The following USP47 variants were observed in gnomAD, a reference collection of about 807,000 sequenced individuals.
USP47 encodes ubiquitin specific peptidase 47.
Under a neutral mutation model 165.1 loss-of-function variants are expected in USP47, and 35 were observed. The ratio of observed to expected loss-of-function variants is 0.21; its 90% CI spans 0.16 to 0.28. The LOEUF (loss-of-function observed/expected upper bound fraction) is 0.28. Among genes scored for constraint, USP47 ranks in the 10% least tolerant of loss-of-function variants. The probability of loss-of-function intolerance (pLI) is 1.00; values close to 1 mark genes in which losing one functional copy is unlikely to be tolerated. For synonymous variants in USP47, 531 were observed against 544.5 expected (o/e 0.98, Z 0.35); for missense variants, 1,277 against 1,607.4 (o/e 0.79, Z 3.52).
In USP47 at chr11:11,842,037, T is replaced by A. The variant is rs1473594927; in HGVS notation, c.-149T>A. On this transcript the variant is annotated 5_prime_UTR_variant, in exon 1 of 28. Transcript: ENST00000527733. ...CCCTGGGTCGGTGTCTGCGCGCTGG[T>A]GTCTGAGGCCCAGGCTGAGGCCTCC... The A allele has an allele frequency of 1.1e-6, 1 of 930,958 alleles. No homozygotes were observed. Among genetic ancestry groups the A allele is most frequent in the Non-Finnish European group, 1.6e-6 (1 of 638,060 alleles). 57.7% of individuals were successfully genotyped at this position (930,958 alleles called of 1,614,324 possible).
At chr11:11,902,628 C>G in intron 5 of USP47, 87 bp from the exon 6 acceptor site, 3 of 1,017,810 alleles carry the variant, frequency 2.9e-6, no homozygotes, top group Non-Finnish European at 2.6e-6. Context: ...GGATTAAAAT[C>G]TTACATTATT....
intron 1 of USP47, among the ~76,000 whole-genome samples, chr11:11,845,476 T>C (rs1465802995): frequency 6.6e-6 from 1 of 152,168 alleles, no homozygotes; most frequent in African/African-American, 2.4e-5. Flanking sequence ...CATTTGGCAA[T>C]TACTAGATGG....
intron 14 of USP47, among the ~76,000 whole-genome samples, chr11:11,931,212 A>C (rs1039801703): frequency 2.6e-5 from 4 of 152,164 alleles, no homozygotes; most frequent in African/African-American, 9.7e-5. Context: ...CTTTGATTTC[A>C]GTATATTTCC....
At chr11:11,942,043 A>C (rs189562498) in intron 19 of USP47, among the ~76,000 whole-genome samples, 41 of 152,264 alleles carry the variant, frequency 2.7e-4, no homozygotes, top group Non-Finnish European at 4.0e-4. Flanking sequence ...AAAGAGAAGG[A>C]TATATAATAC....
intron 19 of USP47, among the ~76,000 whole-genome samples, chr11:11,941,755 T>C (rs1855488970): frequency 6.6e-6 from 1 of 152,078 alleles, no homozygotes; most frequent in Non-Finnish European, 1.5e-5. Flanking sequence ...AAGAAATACC[T>C]TAATATCAGT....
At chr11:11,896,188 A>C (rs1386934498) in intron 4 of USP47, among the ~76,000 whole-genome samples, 1 of 152,228 alleles carries the variant, frequency 6.6e-6, no homozygotes, top group African/African-American at 2.4e-5. Flanking sequence ...TAAAATAAAG[A>C]GCTATGGCAA....
chr11:11,948,510 A>G lies in USP47; in HGVS notation c.3300A>G (p.Lys1100=). 6.2e-7 allele frequency: 1 copy of G among 1,613,178 alleles called. No homozygotes were observed. Among genetic ancestry groups the G allele is most frequent in the Non-Finnish European group, 8.5e-7 (1 of 1,179,312 alleles). The change falls in exon 22 of 28, where the codon AAA becomes AAG. Residue 1100 remains lysine (K), a synonymous_variant. Coordinates refer to ENST00000527733, the MANE Select transcript of USP47 (RefSeq NM_001282659.2). ...ITIRLGRALK[K]GEYRVKVYQL... is the part of the protein sequence containing the mutation. ...TTAGACTGGGGAGAGCACTTAAAAA[A>G]GGAGAATACAGAGTTAAAGTATACC...
intron 3 of USP47, among the ~76,000 whole-genome samples, chr11:11,888,921 C>T (rs1335251663): frequency 1.3e-5 from 2 of 152,162 alleles, no homozygotes; most frequent in Non-Finnish European, 2.9e-5. Context: ...AAATGCGATT[C>T]ATCCCATAAA....
intron 16 of USP47, among the ~76,000 whole-genome samples, chr11:11,934,347 A>G (rs1432658966): frequency 6.6e-6 from 1 of 152,150 alleles, no homozygotes; most frequent in Non-Finnish European, 1.5e-5. Flanking sequence ...GAAAGAACAG[A>G]CAAAACGTAC....
intron 24 of USP47, chr11:11,952,052 A>G (rs1856260826): frequency 6.6e-6 from 1 of 152,212 alleles, no homozygotes; most frequent in Non-Finnish European, 1.5e-5. Context: ...ATTAAATCCA[A>G]GAGGTATTTA....
chr11:11,891,168 T>A (rs1464388710), intron 3 of USP47, among the ~76,000 whole-genome samples: 1 of 152,176 alleles, frequency 6.6e-6, no homozygotes, highest in Non-Finnish European at 1.5e-5. Flanking sequence ...AATAATAATT[T>A]AAAAAATTAA....
rs750291434 is a variant in USP47, at chr11:11,892,005, G to C, written c.395G>C (p.Arg132Thr). The change falls in exon 4 of 28, where the codon AGG becomes ACG. Residue 132 changes from arginine (R) to threonine (T), a missense_variant. Around this residue, in one of 4 missense-constraint regions of USP47, gnomAD observed 181 missense variants for 194.7 expected, o/e 0.93. Transcript: ENST00000527733. ...SSAGEDSVHD[R>T]FIGPLPREGS... ...GCTGGGGAAGACAGTGTTCATGACA[G>C]GTTTATAGGTCCGCTTCCAAGAGAA... 5.0e-6 allele frequency: 8 copies of C among 1,613,760 alleles called. No individual in the cohort carries two copies.
intron 8 of USP47, among the ~76,000 whole-genome samples, chr11:11,919,567 A>G (rs530581810): frequency 1.3e-4 from 20 of 151,048 alleles, no homozygotes; most frequent in African/African-American, 4.9e-4. Flanking sequence ...TTAACAATCC[A>G]GGATCCTCAT....
chr11:11,942,481 A>G lies in USP47; in HGVS notation c.2460A>G (p.Thr820=). Residue 820 remains threonine (T), a synonymous_variant, in exon 20 of 28, where the codon ACA becomes ACG. Coordinates refer to ENST00000527733, the MANE Select transcript of USP47 (RefSeq NM_001282659.2). ...EQSPVSYSKR[T]AYQKAGGDSG... ...CCCCAGTATCTTATTCCAAAAGGAC[A>G]GCATACCAGAAAGCTGGAGGCGATT... 4 of 1,613,646 alleles carry G rather than the reference A, an allele frequency of 2.5e-6. No individual in the cohort carries two copies. Among genetic ancestry groups the G allele is most frequent in the Non-Finnish European group, 3.4e-6 (4 of 1,179,732 alleles).
At position 11,930,024 on chromosome 11, in the gene USP47, A is replaced by G. The variant is rs774354506; in HGVS notation, c.1519-20A>G. On this transcript the variant is annotated intron_variant, in intron 12 of 27. Transcript: ENST00000527733. ...TAGTGTTATAGAATTTGCAAAAAAA[A>G]TCATGTAACACATTTTCAGATAACA... 1.2e-6 allele frequency: 2 copies of G among 1,609,726 alleles called. No homozygotes were observed. The highest frequency in any genetic ancestry group is 1.7e-6 in the Non-Finnish European group (2 of 1,176,680).
Position 11,961,068 on chromosome 11 carries a change from T to C in USP47, c.*4893T>C, listed in dbSNP as rs1327452386. On this transcript the variant is annotated 3_prime_UTR_variant, in exon 28 of 28. Transcript: ENST00000527733. ...AACACCAGCTTTATCAATAATAATA[T>C]CGGTGGTTTACTTAAGGTGTCCAGA... Among the ~76,000 whole-genome samples the C allele has an allele frequency of 6.6e-6, 1 of 152,182 alleles. No individual in the cohort carries two copies. Among genetic ancestry groups the C allele is most frequent in the Non-Finnish European group, 1.5e-5 (1 of 68,036 alleles).
chr11:11,858,248 G>A (rs978240143), intron 1 of USP47, among the ~76,000 whole-genome samples: 5 of 151,498 alleles, frequency 3.3e-5, no homozygotes, highest in Admixed American at 3.3e-4. Flanking sequence ...ACCGGTAACG[G>A]TTAAATACTA....
intron 1 of USP47, among the ~76,000 whole-genome samples, chr11:11,854,075 C>T (rs1848883774): frequency 7.0e-6 from 1 of 142,264 alleles, no homozygotes; most frequent in East Asian, 2.1e-4. Context: ...GTGGAGCTTG[C>T]AGTGAACCGA....
intron 1 of USP47, among the ~76,000 whole-genome samples, chr11:11,843,500 G>C (rs533411212): frequency 6.6e-6 from 1 of 152,188 alleles, no homozygotes; most frequent in Non-Finnish European, 1.5e-5. Context: ...AGTGTTTGTT[G>C]AACTCCAATT....
Sources: allele counts gnomAD v4.1 joint callset (sites outside exome capture counted in the v4.1 genomes callset), GRCh38; gene constraint gnomAD v4.1.1; regional missense constraint gnomAD v4.1.1; transcripts MANE v1.5; gene names NCBI Gene and HGNC (gene_info 2026-07-23, HGNC 2026-07-21).